The following RANBP3 variants were observed in gnomAD, a reference collection of about 807,000 sequenced individuals.
RANBP3 encodes RAN binding protein 3.
Under a neutral mutation model 77.3 loss-of-function variants are expected in RANBP3, and 14 were observed. The observed-to-expected ratio is 0.18, with a 90% CI of 0.12 to 0.28. The LOEUF is 0.28. RANBP3 is among the 10% of genes least tolerant of loss of function. RANBP3 has a pLI of 1.00. For missense variants in RANBP3, 586 were observed against 752.3 expected (o/e 0.78, Z 2.59); for synonymous variants, 315 against 312.4 (o/e 1.01, Z -0.09).
intron 3 of RANBP3, chr19:5,950,982 G>T (rs1279872486): frequency 3.8e-6 from 1 of 261,202 alleles, no homozygotes; most frequent in Non-Finnish European, 7.5e-6. Context: ...ATCAAAGGAA[G>T]CCTTAGCTTC....
rs2057888959 is a variant in RANBP3 at position 5,925,290 on chromosome 19, G to A, written c.917+344C>T. ...CCCCAGGTGCCCAAACCCAGAATAAGGGGGCGCCTGAGTCGCCTCTGGCCT... is the reference window on the plus strand; with the variant it reads ...CCCCAGGTGCCCAAACCCAGAATAAAGGGGCGCCTGAGTCGCCTCTGGCCT... On this transcript the variant is annotated intron_variant, in intron 10 of 16. Coordinates refer to ENST00000340578, the MANE Select transcript of RANBP3 (RefSeq NM_007322.3). 4 of 478,740 alleles carry A rather than the reference G, an allele frequency of 8.4e-6. No individual in the cohort carries two copies. The East Asian group carries it at 1.6e-4, about 19-fold the overall frequency. 29.7% of individuals were successfully genotyped at this position (478,740 alleles called of 1,614,324 possible). A position where few individuals can be genotyped will look rare whatever the true frequency, so the allele number is the denominator to read the frequency against.
chr19:5,975,567 C>G (rs1447265143), intron 1 of RANBP3, among the ~76,000 whole-genome samples: 2 of 150,648 alleles, frequency 1.3e-5, no homozygotes, highest in East Asian at 3.9e-4. Flanking sequence ...AGGCACCGTT[C>G]TAGATGCAAG....
Position 5,951,517 on chromosome 19 carries a change from C to T in RANBP3, c.158G>A (p.Gly53Asp), listed in dbSNP as rs777387230. The T allele has an allele frequency of 1.9e-6, 3 of 1,611,810 alleles. No homozygotes were observed. The highest frequency in any genetic ancestry group is 1.7e-6 in the Non-Finnish European group (2 of 1,178,834). Residue 53 changes from glycine (G) to aspartate (D), a missense_variant, in exon 3 of 17, where the codon GGT becomes GAT. Gly to Asp is a moderately conservative substitution (Grantham distance 94, BLOSUM62 -1). Coordinates refer to ENST00000340578, the MANE Select transcript of RANBP3 (RefSeq NM_007322.3). ...GEAEAPHHGT[G>D]HPESAGEHAL... ...ATGCTCGCCAGCTGACTCGGGGTGA[C>T]CCGTGCCATGGTGGGGGGCCTCAGC...
At chr19:5,936,276 G>A (rs550508385) in intron 5 of RANBP3, among the ~76,000 whole-genome samples, 1 of 152,364 alleles carries the variant, frequency 6.6e-6, no homozygotes, top group South Asian at 2.1e-4. Flanking sequence ...AGAGGGTGCC[G>A]GTTTCTTAGT....
At chr19:5,947,925 A>G (rs1169790604) in intron 3 of RANBP3, among the ~76,000 whole-genome samples, 1 of 152,218 alleles carries the variant, frequency 6.6e-6, no homozygotes, top group Non-Finnish European at 1.5e-5. Flanking sequence ...TAAGGAATGA[A>G]ACAGTGAAAA....
Position 5,941,811 on chromosome 19 carries a change from C to T in RANBP3, c.307G>A (p.Glu103Lys). ...GAGAGCTCCTTACCTTCTCCGCCTT[C>T]AGGACTGGAGCCGCCAGCTGACCTC... ...AGRSAGGSSP[E>K]GGEDSDREDG... is the part of the protein sequence containing the mutation. Residue 103 changes from glutamate to lysine, a missense_variant, in exon 4 of 17, where the codon GAA (glutamate) becomes AAA (lysine). Around this residue, in one of 5 missense-constraint regions of RANBP3, gnomAD observed 172 missense variants for 183.4 expected, o/e 0.94. Coordinates refer to ENST00000340578, the MANE Select transcript of RANBP3 (RefSeq NM_007322.3). 6.2e-7 allele frequency: 1 copy of T among 1,612,232 alleles called. No individual in the cohort carries two copies. Among genetic ancestry groups the T allele is most frequent in the South Asian group, 1.1e-5 (1 of 90,996 alleles).
At chr19:5,940,010 G>A (rs1200755696) in intron 5 of RANBP3, among the ~76,000 whole-genome samples, 3 of 152,258 alleles carry the variant, frequency 2.0e-5, no homozygotes, top group Admixed American at 2.0e-4. Context: ...GCTTCCCAGG[G>A]TGTGGGCCAG....
At chr19:5,933,218 C>A in intron 6 of RANBP3, 196 bp downstream of exon 6, 2 of 526,004 alleles carry the variant, frequency 3.8e-6, no homozygotes, top group South Asian at 2.6e-5. Context: ...TCTGAACACA[C>A]GACGCTCACA....
At position 5,917,846 on chromosome 19, in the gene RANBP3, C is replaced by G. The variant is rs1019497014; in HGVS notation, c.1608G>C (p.Glu536Asp). 6.2e-6 allele frequency: 10 copies of G among 1,612,748 alleles called. No homozygotes were observed. The highest frequency in any genetic ancestry group is 3.3e-5 in the Admixed American group (2 of 59,968). The change falls in exon 16 of 17, where the codon GAG becomes GAC. Residue 536 changes from glutamate to aspartate, a missense_variant. Physicochemically the swap from Glu to Asp is conservative, Grantham distance 45. Coordinates refer to ENST00000340578, the MANE Select transcript of RANBP3 (RefSeq NM_007322.3). ...GGACATCGTCATCGTCGCTGTCGTC[C>G]TCCTCGTTGGATGGGGCTGCCCCAG... ...PEPGAAPSNE[E>D]DDSDDDDVLA...
At chr19:5,927,758 T>TC (rs2057931802) in intron 9 of RANBP3, among the ~76,000 whole-genome samples, 1 of 152,138 alleles carries the variant, frequency 6.6e-6, no homozygotes, top group South Asian at 2.1e-4. Context: ...AGGTGAGGGC[T>TC]CCGAAGCCTG....
chr19:5,964,907 G>A (rs2058448571), intron 1 of RANBP3, among the ~76,000 whole-genome samples: 1 of 151,096 alleles, frequency 6.6e-6, no homozygotes. Flanking sequence ...GGGGTCTGAG[G>A]TCTGCACATT....
At chr19:5,954,500 A>G (rs2058312580) in intron 2 of RANBP3, among the ~76,000 whole-genome samples, 1 of 152,164 alleles carries the variant, frequency 6.6e-6, no homozygotes. Flanking sequence ...CATGGGCTTA[A>G]CTTCCGGTAT....
intron 3 of RANBP3, among the ~76,000 whole-genome samples, chr19:5,942,167 T>A (rs2058146271): frequency 6.6e-6 from 1 of 152,132 alleles, no homozygotes; most frequent in African/African-American, 2.4e-5. Flanking sequence ...CTGGCCCCCG[T>A]TCATTCTGCC....
chr19:5,973,366 A>G (rs1295248684), intron 1 of RANBP3, among the ~76,000 whole-genome samples: 1 of 152,032 alleles, frequency 6.6e-6, no homozygotes, highest in African/African-American at 2.4e-5. Context: ...ACTGAAAGCA[A>G]CTCTGCCCCC....
In RANBP3 at chr19:5,918,559, C is replaced by T; in HGVS notation, c.1410G>A (p.Glu470=). 6.2e-7 allele frequency: 1 copy of T among 1,613,830 alleles called. No individual in the cohort carries two copies. Among genetic ancestry groups the T allele is most frequent in the East Asian group, 2.2e-5 (1 of 44,866 alleles). The part of the protein sequence containing the change: ...WAQMQIDKAS[E]KSIRITAMDT... ...CCATGGCTGTGATGCGAATGCTCTT[C>T]TCGCTGGCCTTGTCGATCTGCATCT... The change falls in exon 15 of 17, where the codon GAG becomes GAA. Residue 470 remains glutamate, a synonymous_variant. Coordinates refer to ENST00000340578, the MANE Select transcript of RANBP3 (RefSeq NM_007322.3).
chr19:5,963,675 C>A (rs1238954351), intron 1 of RANBP3, among the ~76,000 whole-genome samples: 2 of 152,222 alleles, frequency 1.3e-5, no homozygotes, highest in East Asian at 3.8e-4. Context: ...TCAAGGACCA[C>A]TGTGGACAAC....
In RANBP3 at chr19:5,921,917, T is replaced by A. The variant is rs941052014; in HGVS notation, c.1210-596A>T. On this transcript the variant is annotated intron_variant, in intron 13 of 16. Transcript: ENST00000340578. This position sits in a 1 kb window ranked among gnomAD's most constrained non-coding sequence, Gnocchi z 5.3. ...ACCCCCGCTGCAACGTGGATGAACC[T>A]CTGGCTCAGCGAGAGAAGCCAGACA... 5.3e-5 allele frequency among the ~76,000 whole-genome samples: 8 copies of A among 152,188 alleles called. No homozygotes were observed. Among genetic ancestry groups the A allele is most frequent in the Non-Finnish European group, 1.2e-4 (8 of 68,036 alleles).
rs2058367690 is a variant in RANBP3, at chr19:5,958,943, A to G, written c.23-970T>C. ...CCTCCGCGTTGAGCAGGGTTTGGGAAGAGCCCTGCCTTCGCAGGCCCCCCG... is the reference window on the plus strand; with the variant it reads ...CCTCCGCGTTGAGCAGGGTTTGGGAGGAGCCCTGCCTTCGCAGGCCCCCCG... On this transcript the variant is annotated intron_variant, in intron 1 of 16. Coordinates refer to ENST00000340578, the MANE Select transcript of RANBP3 (RefSeq NM_007322.3). This position sits in a 1 kb window ranked among gnomAD's most constrained non-coding sequence, Gnocchi z 4.4. Among the ~76,000 whole-genome samples the G allele has an allele frequency of 6.6e-6, 1 of 152,220 alleles. No homozygotes were observed. The highest frequency in any genetic ancestry group is 1.5e-5 in the Non-Finnish European group (1 of 68,026).
In RANBP3 at chr19:5,928,013, T is replaced by C. The variant is rs773229460; in HGVS notation, c.768A>G (p.Thr256=). Residue 256 remains threonine, a synonymous_variant, in exon 9 of 17, where the codon ACA becomes ACG. Coordinates refer to ENST00000340578, the MANE Select transcript of RANBP3 (RefSeq NM_007322.3). The stretch of plus-strand genomic sequence containing the variant: ...TCTGCCCAAATACAAAGGCTTGCTG[T>C]GTGGCGGGGTCTTTTTTCTCACAGG... ...EEACEKKDPA[T]QQAFVFGQNL... is the part of the protein sequence containing the mutation. 1.9e-6 allele frequency: 3 copies of C among 1,613,876 alleles called. No individual in the cohort carries two copies. The Admixed American group carries it at 5.0e-5, about 27-fold the overall frequency.
Sources: allele counts gnomAD v4.1 joint callset (sites outside exome capture counted in the v4.1 genomes callset), GRCh38; gene constraint gnomAD v4.1.1; regional missense constraint gnomAD v4.1.1; non-coding constraint Gnocchi (gnomAD v3.1); transcripts MANE v1.5; gene names NCBI Gene and HGNC (gene_info 2026-07-23, HGNC 2026-07-21).